Variants in PGP observed in about 807,000 individuals in gnomAD.
PGP encodes the protein aspartate-based ubiquitous Mg(2+)-dependent phosphatase.
A neutral mutation model predicts 19.3 loss-of-function variants in PGP; 9 were observed. That is an observed-to-expected ratio of 0.47 (90% CI 0.28 to 0.81). The LOEUF (loss-of-function observed/expected upper bound fraction) is 0.81. Among genes scored for constraint, PGP ranks in the 40% least tolerant of loss-of-function variants. PGP has a pLI of 0.11. For missense variants in PGP, 403 were observed against 479.9 expected (o/e 0.84, Z 1.50); for synonymous variants, 308 against 226.8 (o/e 1.36, Z -3.22).
Position 2,211,782 on chromosome 16 carries a change from C to T in PGP, c.*1946G>A. 1.0e-6 allele frequency: 1 copy of T among 985,658 alleles called. No homozygotes were observed. The highest frequency in any genetic ancestry group is 4.7e-5 in the South Asian group (1 of 21,304). 61.1% of individuals were successfully genotyped at this position (985,658 alleles called of 1,614,324 possible). On this transcript the variant is annotated 3_prime_UTR_variant, in exon 2 of 2. Transcript: ENST00000333503. ...CTGACACGGCAGCCCACCAGCTTCACTCCAGGGCCCTTTGCTTCCCTGGCT... is the reference window on the plus strand; with the variant it reads ...CTGACACGGCAGCCCACCAGCTTCATTCCAGGGCCCTTTGCTTCCCTGGCT...
chr16:2,213,579 A>T lies in PGP; in HGVS notation c.*149T>A. On this transcript the variant is annotated 3_prime_UTR_variant, in exon 2 of 2. Coordinates refer to ENST00000333503, the MANE Select transcript of PGP (RefSeq NM_001042371.3). ...AAAATCGTCCCCCAAACGTGTACTTACAAGGTTAACAATGAATGCCTTTGC... is the reference window on the plus strand; with the variant it reads ...AAAATCGTCCCCCAAACGTGTACTTTCAAGGTTAACAATGAATGCCTTTGC... 1 of 775,030 alleles carries T rather than the reference A, an allele frequency of 1.3e-6. No individual in the cohort carries two copies. Among genetic ancestry groups the T allele is most frequent in the Non-Finnish European group, 1.9e-6 (1 of 530,312 alleles). 48.0% of individuals were successfully genotyped at this position (775,030 alleles called of 1,614,324 possible). A position where few individuals can be genotyped will look rare whatever the true frequency, so the allele number is the denominator to read the frequency against.
At position 2,213,005 on chromosome 16, in the gene PGP, C is replaced by T; in HGVS notation, c.*723G>A. The T allele has an allele frequency of 1.0e-6, 1 of 985,522 alleles. No homozygotes were observed. 61.0% of individuals were successfully genotyped at this position (985,522 alleles called of 1,614,324 possible). A position where few individuals can be genotyped will look rare whatever the true frequency, so the allele number is the denominator to read the frequency against. ...GTCCACGCCATGGTAGCTGCTCCGT[C>T]CAAATCACCTGGGTATAAATGCACA... On this transcript the variant is annotated 3_prime_UTR_variant, in exon 2 of 2. Transcript: ENST00000333503.
rs1224713784 is a variant in PGP at position 2,211,808 on chromosome 16, TC to T, written c.*1919del. ...TCCAGGGCCCTTTGCTTCCCTGGCT[TC>T]CCTTTGTGCCTGGCTTTCCCTCATT... is the stretch of plus-strand genomic sequence containing the variant. On this transcript the variant is annotated 3_prime_UTR_variant, in exon 2 of 2. Coordinates refer to ENST00000333503, the MANE Select transcript of PGP (RefSeq NM_001042371.3). 23 of 985,600 alleles carry T rather than the reference TC, an allele frequency of 2.3e-5. No homozygotes were observed. In the Admixed American group the frequency reaches 1.4e-3, roughly 58 times the overall value. The allele number at this position is 985,600 out of a possible 1,614,324, so 61.1% of individuals were successfully genotyped here. A position where few individuals can be genotyped will look rare whatever the true frequency, so the allele number is the denominator to read the frequency against.
rs776760347 is a variant in PGP, at chr16:2,214,143, A to G, written c.635T>C (p.Ile212Thr). ...CCGCCCCAGGGCGCACGGACCCGCGATGAAGCGGCCGTTCTCAAGCGGAAG... is the reference window on the plus strand; with the variant it reads ...CCGCCCCAGGGCGCACGGACCCGCGGTGAAGCGGCCGTTCTCAAGCGGAAG... Reference protein sequence around the residue: ...NRLPLENGRFIAGTGCLVRAV... With the variant: ...NRLPLENGRFTAGTGCLVRAV... The change falls in exon 1 of 2, where the codon ATC (isoleucine) becomes ACC (threonine). Residue 212 changes from isoleucine to threonine, a missense_variant. Ile to Thr is a moderately conservative substitution (Grantham distance 89, BLOSUM62 -1). Coordinates refer to ENST00000333503, the MANE Select transcript of PGP (RefSeq NM_001042371.3). The surrounding 1 kb of genome is among the most constrained non-coding windows in gnomAD (Gnocchi z 7.1). 3.7e-6 allele frequency: 5 copies of G among 1,335,540 alleles called. No homozygotes were observed. In the Admixed American group the frequency reaches 1.0e-4, roughly 27 times the overall value. 82.7% of individuals were successfully genotyped at this position (1,335,540 alleles called of 1,614,324 possible). A position where few individuals can be genotyped will look rare whatever the true frequency, so the allele number is the denominator to read the frequency against.
In PGP at chr16:2,214,027, C is replaced by A; in HGVS notation, c.667G>T (p.Glu223Ter). ...AGTGCLVRAV[E>*]MAAQRQADII... is the part of the protein sequence containing the mutation. ...TCGGCCTGGCGCTGGGCGGCCATCT[C>A]CACGGCTCGGACCAGACACCCGGTA... The change falls in exon 2 of 2, where the codon GAG (glutamate) becomes TAG (stop). Residue 223 changes from glutamate (E) to a stop codon, truncating the protein, a stop_gained. Coordinates refer to ENST00000333503, the MANE Select transcript of PGP (RefSeq NM_001042371.3). LOFTEE classifies it high-confidence loss of function. This position sits in a 1 kb window ranked among gnomAD's most constrained non-coding sequence, Gnocchi z 7.1. 1 of 1,600,370 alleles carries A rather than the reference C, an allele frequency of 6.2e-7. No individual in the cohort carries two copies. The highest frequency in any genetic ancestry group is 8.5e-7 in the Non-Finnish European group (1 of 1,172,114).
rs2093379396 is a variant in PGP at position 2,213,076 on chromosome 16, C to T, written c.*652G>A. The stretch of plus-strand genomic sequence containing the variant: ...GCTGGGCTGCGTTTACAGAACTGGG[C>T]AGCAGCCCTGGGTATCTGAAACGGA... On this transcript the variant is annotated 3_prime_UTR_variant, in exon 2 of 2. Coordinates refer to ENST00000333503, the MANE Select transcript of PGP (RefSeq NM_001042371.3). 1.0e-6 allele frequency: 1 copy of T among 985,476 alleles called. No individual in the cohort carries two copies. Among genetic ancestry groups the T allele is most frequent in the African/African-American group, 1.7e-5 (1 of 57,362 alleles). The allele number at this position is 985,476 out of a possible 1,614,324, so 61.0% of individuals were successfully genotyped here.
rs962442680 is a variant in PGP at position 2,213,408 on chromosome 16, G to A, written c.*320C>T. ...ATACAGGACACACACCCCTAGACCC[G>A]CCTCAGTCCCATCGGCAGGCCCTGG... On this transcript the variant is annotated 3_prime_UTR_variant, in exon 2 of 2. Transcript: ENST00000333503. The A allele has an allele frequency of 8.0e-6, 8 of 996,100 alleles. No homozygotes were observed. Among genetic ancestry groups the A allele is most frequent in the African/African-American group, 3.4e-5 (2 of 58,284 alleles). 61.7% of individuals were successfully genotyped at this position (996,100 alleles called of 1,614,324 possible).
In PGP at chr16:2,213,645, G is replaced by T; in HGVS notation, c.*83C>A. 2 of 1,329,696 alleles carry T rather than the reference G, an allele frequency of 1.5e-6. No individual in the cohort carries two copies. Among genetic ancestry groups the T allele is most frequent in the Non-Finnish European group, 2.0e-6 (2 of 992,530 alleles). The allele number at this position is 1,329,696 out of a possible 1,614,324, so 82.4% of individuals were successfully genotyped here. ...CTCTTTGAAGCCACTTAGCCGAGCA[G>T]ATGCTTAAGCCCCACCTATTAATTT... On this transcript the variant is annotated 3_prime_UTR_variant, in exon 2 of 2. Coordinates refer to ENST00000333503, the MANE Select transcript of PGP (RefSeq NM_001042371.3).
chr16:2,213,108 A>G lies in PGP; in HGVS notation c.*620T>C, dbSNP rs1187698108. 2.0e-6 allele frequency: 2 copies of G among 985,518 alleles called. No homozygotes were observed. The highest frequency in any genetic ancestry group is 3.5e-5 in the African/African-American group (2 of 57,366). The allele number at this position is 985,518 out of a possible 1,614,324, so 61.0% of individuals were successfully genotyped here. On this transcript the variant is annotated 3_prime_UTR_variant, in exon 2 of 2. Coordinates refer to ENST00000333503, the MANE Select transcript of PGP (RefSeq NM_001042371.3). The stretch of plus-strand genomic sequence containing the variant: ...CCTGGGTATCTGAAACGGAACAGAC[A>G]CTCAGTTGTGACATCAGAGTGGTTT...
chr16:2,212,113 GCTGCAT>G lies in PGP; in HGVS notation c.*1609_*1614del, dbSNP rs890473735. 1.0e-6 allele frequency: 1 copy of G among 985,492 alleles called. No individual in the cohort carries two copies. The highest frequency in any genetic ancestry group is 1.2e-6 in the Non-Finnish European group (1 of 829,964). The allele number at this position is 985,492 out of a possible 1,614,324, so 61.0% of individuals were successfully genotyped here. A position where few individuals can be genotyped will look rare whatever the true frequency, so the allele number is the denominator to read the frequency against. Reference sequence around the variant, plus strand: ...ACCCGGCAAGAGAGGCATCACTGAGGCTGCATCTGCCATGCGCTCCTGGTGTGACTG... The same window carrying G: ...ACCCGGCAAGAGAGGCATCACTGAGGCTGCCATGCGCTCCTGGTGTGACTG... On this transcript the variant is annotated 3_prime_UTR_variant, in exon 2 of 2. Transcript: ENST00000333503.
At position 2,213,843 on chromosome 16, in the gene PGP, G is replaced by C; in HGVS notation, c.851C>G (p.Ser284Cys). The C allele has an allele frequency of 6.2e-7, 1 of 1,612,216 alleles. No homozygotes were observed. The highest frequency in any genetic ancestry group is 8.5e-7 in the Non-Finnish European group (1 of 1,178,610). Residue 284 changes from serine to cysteine, a missense_variant, in exon 2 of 2, where the codon TCC (serine) becomes TGC (cysteine). Transcript: ENST00000333503. ...ATTATTCTTCACATCCCCTAGAGTG[G>C]AGACTCCGGTGAGGGTCAGGATGGT... ...LKTILTLTGV[S>C]TLGDVKNNQE...
In PGP at chr16:2,214,791, CCGCCGCCGCCCGCCGGCCGCTCCT is replaced by C. The variant is rs1284984401; in HGVS notation, c.-38_-15del. 1.1e-6 allele frequency: 1 copy of C among 886,664 alleles called. No individual in the cohort carries two copies. The highest frequency in any genetic ancestry group is 1.3e-6 in the Non-Finnish European group (1 of 741,430). The allele number at this position is 886,664 out of a possible 1,614,324, so 54.9% of individuals were successfully genotyped here. On this transcript the variant is annotated 5_prime_UTR_variant, in exon 1 of 2. Transcript: ENST00000333503. The surrounding 1 kb of genome is among the most constrained non-coding windows in gnomAD (Gnocchi z 7.1). ...CGCCGCCGCCATCGCCGCCCGCCGG[CCGCCGCCGCCCGCCGGCCGCTCCT>C]CGCAGCCGCCCGCCGCGGCGCCCTC...
Position 2,214,031 on chromosome 16 carries a change from G to A in PGP, c.663C>T (p.Ala221=), listed in dbSNP as rs147033584. The change falls in exon 2 of 2, where the codon GCC becomes GCT. Residue 221 remains alanine (A), a synonymous_variant. Transcript: ENST00000333503. The surrounding 1 kb of genome is among the most constrained non-coding windows in gnomAD (Gnocchi z 7.1). Reference sequence around the variant, plus strand: ...CCTGGCGCTGGGCGGCCATCTCCACGGCTCGGACCAGACACCCGGTACCTG... The same window carrying A: ...CCTGGCGCTGGGCGGCCATCTCCACAGCTCGGACCAGACACCCGGTACCTG... ...FIAGTGCLVR[A]VEMAAQRQAD... 1.3e-6 allele frequency: 2 copies of A among 1,598,344 alleles called. No individual in the cohort carries two copies. The highest frequency in any genetic ancestry group is 1.3e-5 in the African/African-American group (1 of 74,592).
At position 2,211,822 on chromosome 16, in the gene PGP, G is replaced by A; in HGVS notation, c.*1906C>T. The A allele has an allele frequency of 1.0e-6, 1 of 985,586 alleles. No individual in the cohort carries two copies. The allele number at this position is 985,586 out of a possible 1,614,324, so 61.1% of individuals were successfully genotyped here. On this transcript the variant is annotated 3_prime_UTR_variant, in exon 2 of 2. Transcript: ENST00000333503. ...CTTCCCTGGCTTCCCTTTGTGCCTG[G>A]CTTTCCCTCATTCTTCAAAACATCT... is the stretch of plus-strand genomic sequence containing the variant.
Position 2,214,472 on chromosome 16 carries a change from G to A in PGP, c.306C>T (p.Ala102=). 2.9e-6 allele frequency: 4 copies of A among 1,381,102 alleles called. No homozygotes were observed. Among genetic ancestry groups the A allele is most frequent in the Non-Finnish European group, 3.7e-6 (4 of 1,074,574 alleles). The allele number at this position is 1,381,102 out of a possible 1,614,324, so 85.6% of individuals were successfully genotyped here. The change falls in exon 1 of 2, where the codon GCC becomes GCT. Residue 102 remains alanine (A), a synonymous_variant. Transcript: ENST00000333503. The surrounding 1 kb of genome is among the most constrained non-coding windows in gnomAD (Gnocchi z 7.1). ...PGASLEVFGT[A]YCTALYLRQR... ...GGCGCAGGTAGAGCGCGGTGCAGTA[G>A]GCCGTGCCGAAGACCTCCAGGCTGG... is the stretch of plus-strand genomic sequence containing the variant.
rs2093375920 is a variant in PGP at position 2,211,737 on chromosome 16, TGCTCCCTGCCCTGGGC to T, written c.*1975_*1990del. On this transcript the variant is annotated 3_prime_UTR_variant, in exon 2 of 2. Coordinates refer to ENST00000333503, the MANE Select transcript of PGP (RefSeq NM_001042371.3). ...CCGGGCCAGCATTACTTCTGAGCTCTGCTCCCTGCCCTGGGCGCTCTGACACGGCAGCCCACCAGCT... is the reference window on the plus strand; with the variant it reads ...CCGGGCCAGCATTACTTCTGAGCTCTGCTCTGACACGGCAGCCCACCAGCT... 1 of 985,404 alleles carries T rather than the reference TGCTCCCTGCCCTGGGC, an allele frequency of 1.0e-6. No homozygotes were observed. Among genetic ancestry groups the T allele is most frequent in the Non-Finnish European group, 1.2e-6 (1 of 829,998 alleles). 61.0% of individuals were successfully genotyped at this position (985,404 alleles called of 1,614,324 possible). A position where few individuals can be genotyped will look rare whatever the true frequency, so the allele number is the denominator to read the frequency against.
At position 2,212,555 on chromosome 16, in the gene PGP, C is replaced by G. The variant is rs1213190803; in HGVS notation, c.*1173G>C. ...TCCTGCTGGCCACTGAAGAGGGAAT[C>G]CAGGGCAAGGCAGGTGACCTCCTGG... On this transcript the variant is annotated 3_prime_UTR_variant, in exon 2 of 2. Transcript: ENST00000333503. 1.0e-6 allele frequency: 1 copy of G among 985,534 alleles called. No homozygotes were observed. The highest frequency in any genetic ancestry group is 1.2e-6 in the Non-Finnish European group (1 of 829,968). 61.0% of individuals were successfully genotyped at this position (985,534 alleles called of 1,614,324 possible). A position where few individuals can be genotyped will look rare whatever the true frequency, so the allele number is the denominator to read the frequency against.
chr16:2,214,301 C>T lies in PGP; in HGVS notation c.477G>A (p.Ala159=). The T allele has an allele frequency of 4.5e-6, 7 of 1,555,560 alleles. No individual in the cohort carries two copies. Among genetic ancestry groups the T allele is most frequent in the African/African-American group, 1.4e-5 (1 of 73,654 alleles). The stretch of plus-strand genomic sequence containing the variant: ...CCGCGCGCACGTCGGGCTCCAGCGG[C>T]GCGTGCAGCCAGTCGCCGGGACCCT... ...QGEGPGDWLH[A]PLEPDVRAVV... Residue 159 remains alanine, a synonymous_variant, in exon 1 of 2, where the codon GCG becomes GCA. Coordinates refer to ENST00000333503, the MANE Select transcript of PGP (RefSeq NM_001042371.3). This position sits in a 1 kb window ranked among gnomAD's most constrained non-coding sequence, Gnocchi z 7.1.
chr16:2,213,403 G>A lies in PGP; in HGVS notation c.*325C>T. 2.0e-6 allele frequency: 2 copies of A among 1,010,320 alleles called. No individual in the cohort carries two copies. Among genetic ancestry groups the A allele is most frequent in the South Asian group, 4.0e-5 (1 of 24,868 alleles). The allele number at this position is 1,010,320 out of a possible 1,614,324, so 62.6% of individuals were successfully genotyped here. ...ATAAAATACAGGACACACACCCCTA[G>A]ACCCGCCTCAGTCCCATCGGCAGGC... On this transcript the variant is annotated 3_prime_UTR_variant, in exon 2 of 2. Coordinates refer to ENST00000333503, the MANE Select transcript of PGP (RefSeq NM_001042371.3).
Sources: allele counts gnomAD v4.1 joint callset, GRCh38; gene constraint gnomAD v4.1.1; non-coding constraint Gnocchi (gnomAD v3.1); transcripts MANE v1.5; gene names NCBI Gene and HGNC (gene_info 2026-07-23, HGNC 2026-07-21).